The following NALCN variants were observed in gnomAD, a reference collection of about 807,000 sequenced individuals.
NALCN encodes sodium leak channel NALCN.
A neutral mutation model predicts 225.3 loss-of-function variants in NALCN; 111 were observed. The ratio of observed to expected loss-of-function variants is 0.49; its 90% confidence interval spans 0.42 to 0.58. The LOEUF is 0.58. Among genes scored for constraint, NALCN ranks in the 20% least tolerant of loss-of-function variants. The pLI is 0.00. For synonymous variants in NALCN, 764 were observed against 769.0 expected (o/e 0.99, Z 0.11); for missense variants, 1,378 against 2,202.4 (o/e 0.63, Z 7.49).
At chr13:101,136,656 A>G (rs2036813891) in intron 17 of NALCN, among the ~76,000 whole-genome samples, 1 of 152,202 alleles carries the variant, frequency 6.6e-6, no homozygotes, top group African/African-American at 2.4e-5. Flanking sequence ...ATGACTGCAT[A>G]GTATTCCATG....
intron 12 of NALCN, among the ~76,000 whole-genome samples, chr13:101,231,385 G>C (rs2041342940): frequency 6.6e-6 from 1 of 152,150 alleles, no homozygotes; most frequent in African/African-American, 2.4e-5. Context: ...TACAAAGCGA[G>C]TATAACACAA....
chr13:101,155,140 A>G (rs985997624), intron 15 of NALCN, among the ~76,000 whole-genome samples: 2 of 152,228 alleles, frequency 1.3e-5, no homozygotes, highest in African/African-American at 4.8e-5. Flanking sequence ...TTTAAAACTC[A>G]CATGAGAGTT....
chr13:101,237,181 T>A (rs2041593388), intron 12 of NALCN, among the ~76,000 whole-genome samples: 4 of 151,828 alleles, frequency 2.6e-5, no homozygotes, highest in Admixed American at 2.6e-4. Context: ...ATATCACATT[T>A]AAAAAAAGAT....
intron 19 of NALCN, among the ~76,000 whole-genome samples, 167 bp from the exon 20 acceptor site, chr13:101,110,855 C>T (rs1190851354): frequency 6.6e-6 from 1 of 152,174 alleles, no homozygotes; most frequent in Admixed American, 6.5e-5. Flanking sequence ...GTCTTTGATC[C>T]CATCTAACAA....
intron 3 of NALCN, 92 bp from the exon 4 acceptor site, chr13:101,378,745 A>C: frequency 9.3e-7 from 1 of 1,075,366 alleles, no homozygotes; most frequent in Non-Finnish European, 1.4e-6. Context: ...TTTCAATAAA[A>C]GCTATCTACA....
At chr13:101,153,057 CTTTT>C (rs551763648) in intron 15 of NALCN, among the ~76,000 whole-genome samples, 6 of 151,380 alleles carry the variant, frequency 4.0e-5, no homozygotes, top group South Asian at 2.1e-4. Context: ...TAATTTTTCT[CTTTT>C]TTTTAATTTA....
chr13:101,061,912 G>T (rs2031972178), intron 41 of NALCN, 56 bp downstream of exon 41: 2 of 1,532,690 alleles, frequency 1.3e-6, no homozygotes, highest in Non-Finnish European at 8.8e-7. Flanking sequence ...TCATCCTCCT[G>T]CGGGGCAGGG....
intron 13 of NALCN, among the ~76,000 whole-genome samples, chr13:101,211,739 A>G (rs2040533496): frequency 6.6e-6 from 1 of 151,862 alleles, no homozygotes; most frequent in Non-Finnish European, 1.5e-5. Context: ...ACCATGGATA[A>G]CAATCTGGCC....
intron 6 of NALCN, among the ~76,000 whole-genome samples, chr13:101,352,884 G>C (rs2045946162): frequency 6.6e-6 from 1 of 152,074 alleles, no homozygotes; most frequent in Admixed American, 6.6e-5. Flanking sequence ...ATCGAAATTT[G>C]ACCCATTTGT....
At chr13:101,076,903 T>C (rs771281131) in intron 34 of NALCN, among the ~76,000 whole-genome samples, 4 of 152,324 alleles carry the variant, frequency 2.6e-5, no homozygotes, top group South Asian at 4.1e-4. Context: ...CATTTCGATA[T>C]GGTTTGGCTA....
Position 101,222,741 on chromosome 13 carries a change from T to C in NALCN, c.1626+6652A>G, listed in dbSNP as rs367546522. Among the ~76,000 whole-genome samples the C allele has an allele frequency of 8.5e-5, 13 of 152,314 alleles. No homozygotes were observed. The South Asian group carries it at 2.5e-3, about 29-fold the overall frequency. ...GTTAATAATACACCAATTCTAAATA[T>C]GCTTATAACATCATCCATTCCAATG... is the stretch of plus-strand genomic sequence containing the variant. On this transcript the variant is annotated intron_variant, in intron 13 of 43. Coordinates refer to ENST00000251127, the MANE Select transcript of NALCN (RefSeq NM_052867.4).
intron 13 of NALCN, among the ~76,000 whole-genome samples, chr13:101,207,921 T>G (rs1448373467): frequency 6.6e-6 from 1 of 152,184 alleles, no homozygotes; most frequent in African/African-American, 2.4e-5. Context: ...ACCGCAAAGG[T>G]CTGCGGCTTC....
chr13:101,399,226 G>T, intron 1 of NALCN, 61 bp from the exon 2 acceptor site: 1 of 1,223,400 alleles, frequency 8.2e-7, no homozygotes, highest in Non-Finnish European at 1.2e-6. Context: ...AAAAAATTGA[G>T]TTCCCCACAT....
Position 101,246,831 on chromosome 13 carries a change from C to A in NALCN, c.1267-8909G>T, listed in dbSNP as rs553040622. On this transcript the variant is annotated intron_variant, in intron 11 of 43. Transcript: ENST00000251127. ...GTTGGGGCCAAAATAAATGACTCTT[C>A]ATTTTAACAAATATCATAAAACCAA... Among the ~76,000 whole-genome samples the A allele has an allele frequency of 5.9e-5, 9 of 152,274 alleles. No individual in the cohort carries two copies. The South Asian group carries it at 1.9e-3, about 32-fold the overall frequency.
chr13:101,340,287 A>C (rs992883660), intron 7 of NALCN, among the ~76,000 whole-genome samples: 9 of 135,824 alleles, frequency 6.6e-5, no homozygotes, highest in Admixed American at 3.0e-4. Flanking sequence ...AACAAACAAA[A>C]AACACCGTGC....
At chr13:101,158,423 C>A (rs1032536058) in intron 15 of NALCN, among the ~76,000 whole-genome samples, 15 of 152,350 alleles carry the variant, frequency 9.8e-5, no homozygotes, top group African/African-American at 3.6e-4. Flanking sequence ...ATGGGCACCG[C>A]TGAGCTCCCC....
At chr13:101,395,075 G>T in intron 3 of NALCN, 108 bp downstream of exon 3, 1 of 1,118,710 alleles carries the variant, frequency 8.9e-7, no homozygotes, top group Non-Finnish European at 1.2e-6. Context: ...ATATGTATAA[G>T]ATAAAATGAT....
intron 15 of NALCN, among the ~76,000 whole-genome samples, chr13:101,151,816 C>T (rs2037665441): frequency 6.6e-6 from 1 of 152,152 alleles, no homozygotes; most frequent in Admixed American, 6.5e-5. Flanking sequence ...GAATAATGAT[C>T]ACACATGTTG....
At chr13:101,304,073 T>C (rs2044067852) in intron 7 of NALCN, among the ~76,000 whole-genome samples, 1 of 152,208 alleles carries the variant, frequency 6.6e-6, no homozygotes, top group African/African-American at 2.4e-5. Context: ...AGTCTTTTTG[T>C]AGAGTGTAGG....
Sources: gnomAD v4.1 joint callset for allele counts (sites outside exome capture counted in the v4.1 genomes callset) on GRCh38, gnomAD v4.1.1 for gene constraint, MANE v1.5 for transcripts, NCBI Gene and HGNC (gene_info 2026-07-23, HGNC 2026-07-21) for gene names.